The following LIPC variants were observed in gnomAD, a reference collection of about 807,000 sequenced individuals.
LIPC encodes the protein lipase C, hepatic type, also known as hepatic triacylglycerol lipase.
A neutral mutation model predicts 50.7 loss-of-function variants in LIPC; 44 were observed. The observed-to-expected ratio is 0.87, with a 90% CI of 0.68 to 1.11. The LOEUF (loss-of-function observed/expected upper bound fraction) is 1.11, where lower values mean the gene tolerates loss of function less well. Ranked by LOEUF, LIPC falls within the 50% of genes most tolerant of loss-of-function variation. The pLI is 0.00. For synonymous variants in LIPC, 271 were observed against 256.4 expected, an observed-to-expected ratio of 1.06 and a Z score of -0.54; for missense variants, 697 against 648.2, an observed-to-expected ratio of 1.08 and a Z score of -0.82.
chr15:58,509,386 G>C (rs72743010), intron 1 of LIPC, among the ~76,000 whole-genome samples: 5,242 of 152,250 alleles, frequency 0.034, 157 homozygotes, highest in East Asian at 0.15. Flanking sequence ...GAATCAAGAA[G>C]ACTGAAATTG....
intron 1 of LIPC, among the ~76,000 whole-genome samples, chr15:58,519,419 A>AG (rs1399337665): frequency 1.4e-5 from 2 of 147,788 alleles, no homozygotes; most frequent in East Asian, 1.9e-4. Flanking sequence ...TCAAAAAAAA[A>AG]AAAAAGAAAA....
Position 58,453,628 on chromosome 15 carries a change from C to T in LIPC, c.88+21508C>T, listed in dbSNP as rs560426281. Among the ~76,000 whole-genome samples, 366 of 152,094 alleles carry T rather than the reference C, an allele frequency of 2.4e-3. 2 individuals carry two copies. The highest frequency in any genetic ancestry group is 8.4e-3 in the African/African-American group (349 of 41,486). ...AGAGTGTGGGTTCCGTACATTGGCG[C>T]GGTGGCTTATGCCTGTAATCCCAGC... On this transcript the variant is annotated intron_variant, in intron 1 of 8. Transcript: ENST00000299022.
chr15:58,507,686 G>A (rs1192580602), intron 1 of LIPC, among the ~76,000 whole-genome samples: 2 of 152,230 alleles, frequency 1.3e-5, no homozygotes, highest in Admixed American at 1.3e-4. Flanking sequence ...ACCAGGCACT[G>A]TGTAGAGGCT....
chr15:58,569,076 T>C lies in LIPC; in HGVS notation c.*249T>C. 3.1e-6 allele frequency: 1 copy of C among 324,656 alleles called. No individual in the cohort carries two copies. Among genetic ancestry groups the C allele is most frequent in the Non-Finnish European group, 5.6e-6 (1 of 178,254 alleles). 20.1% of individuals were successfully genotyped at this position (324,656 alleles called of 1,614,324 possible). On this transcript the variant is annotated 3_prime_UTR_variant, in exon 9 of 9. Transcript: ENST00000299022. The stretch of plus-strand genomic sequence containing the variant: ...CTGGTTAAATGTTAATATATGCAAA[T>C]AAGTACAAATGCAAGAGCCATTTTA...
intron 4 of LIPC, 61 bp downstream of exon 4, chr15:58,542,712 C>G: frequency 9.0e-7 from 1 of 1,114,592 alleles, no homozygotes; most frequent in South Asian, 1.2e-5. Flanking sequence ...CAACAAGGAC[C>G]TGCTTTTCCA....
intron 1 of LIPC, among the ~76,000 whole-genome samples, chr15:58,446,844 T>A (rs141210536): frequency 4.7e-4 from 72 of 152,220 alleles, no homozygotes; most frequent in Admixed American, 3.9e-4. Context: ...AACACACACC[T>A]TTAAAAAGTG....
At chr15:58,501,196 C>G (rs1055722675) in intron 1 of LIPC, among the ~76,000 whole-genome samples, 2 of 152,120 alleles carry the variant, frequency 1.3e-5, no homozygotes, top group African/African-American at 4.8e-5. Context: ...GATTTGTCAT[C>G]TCCTCCCAGA....
chr15:58,547,257 C>G (rs1229136333), intron 5 of LIPC, among the ~76,000 whole-genome samples: 2 of 152,186 alleles, frequency 1.3e-5, no homozygotes, highest in Non-Finnish European at 2.9e-5. Context: ...CACAGGGGCT[C>G]ACTGGATAAC....
chr15:58,543,043 C>T (rs1008810527), intron 4 of LIPC, among the ~76,000 whole-genome samples: 1 of 152,172 alleles, frequency 6.6e-6, no homozygotes, highest in East Asian at 1.9e-4. Flanking sequence ...ACGTTAGTGC[C>T]TCCGTTTCCA....
At chr15:58,449,255 C>T (rs1258165927) in intron 1 of LIPC, among the ~76,000 whole-genome samples, 2 of 152,208 alleles carry the variant, frequency 1.3e-5, no homozygotes, top group African/African-American at 2.4e-5. Flanking sequence ...AGCATGTTGG[C>T]AGCCATCGAT....
At chr15:58,551,531 C>T (rs2140934326) in intron 6 of LIPC, among the ~76,000 whole-genome samples, 1 of 152,266 alleles carries the variant, frequency 6.6e-6, no homozygotes, top group South Asian at 2.1e-4. Flanking sequence ...ACATTTCCAT[C>T]GCCGCGGAGA....
rs572161614 is a variant in LIPC, at chr15:58,544,391, C to CTTTTTT, written c.575-1348_575-1347insTTTTTT. Among the ~76,000 whole-genome samples, 14 of 110,270 alleles carry CTTTTTT rather than the reference C, an allele frequency of 1.3e-4. 3 individuals are homozygous for CTTTTTT. The highest frequency in any genetic ancestry group is 1.7e-4 in the African/African-American group (5 of 30,184). 72.3% of individuals were successfully genotyped at this position (110,270 alleles called of 152,430 possible). On this transcript the variant is annotated intron_variant, in intron 4 of 8. Transcript: ENST00000299022. ...CATATCAGGACATTTTTCTTTTTCT[C>CTTTTTT]TTTCTTTTTTTTTTTTTTTTTTGAG...
At chr15:58,485,801 T>A (rs1891354533) in intron 1 of LIPC, among the ~76,000 whole-genome samples, 1 of 152,258 alleles carries the variant, frequency 6.6e-6, no homozygotes, top group African/African-American at 2.4e-5. Flanking sequence ...AGAGGTGGGC[T>A]TGGCCCTTGA....
chr15:58,444,687 C>T (rs1485640455), intron 1 of LIPC, among the ~76,000 whole-genome samples: 4 of 152,170 alleles, frequency 2.6e-5, no homozygotes, highest in African/African-American at 9.7e-5. Context: ...TTAAGGCCCA[C>T]CCCAGTGACC....
In LIPC at chr15:58,538,418, C is replaced by T. The variant is rs773510851; in HGVS notation, c.174C>T (p.Thr58=). ...CCAGATTCCTGCTCTTTGGAGAAAC[C>T]AATCAGGGCTGTCAGATTCGAATCA... ...MKTRFLLFGE[T]NQGCQIRINH... is the part of the protein sequence containing the mutation. The change falls in exon 2 of 9, where the codon ACC becomes ACT. Residue 58 remains threonine (T), a synonymous_variant. Coordinates refer to ENST00000299022, the MANE Select transcript of LIPC (RefSeq NM_000236.3). The T allele has an allele frequency of 6.2e-7, 1 of 1,614,120 alleles. No homozygotes were observed. Among genetic ancestry groups the T allele is most frequent in the Non-Finnish European group, 8.5e-7 (1 of 1,180,008 alleles).
At chr15:58,441,236 C>T (rs559893893) in intron 1 of LIPC, among the ~76,000 whole-genome samples, 14 of 152,326 alleles carry the variant, frequency 9.2e-5, no homozygotes, top group African/African-American at 3.4e-4. Context: ...TTGAAGTTTT[C>T]TTATGAATTG....
intron 1 of LIPC, among the ~76,000 whole-genome samples, chr15:58,532,369 G>A (rs1011534346): frequency 2.9e-4 from 44 of 152,184 alleles, no homozygotes; most frequent in African/African-American, 1.1e-3. Flanking sequence ...GGACAGAGCT[G>A]CGGTTACATT....
At chr15:58,481,911 G>A (rs1406181960) in intron 1 of LIPC, among the ~76,000 whole-genome samples, 1 of 152,204 alleles carries the variant, frequency 6.6e-6, no homozygotes, top group Non-Finnish European at 1.5e-5. Flanking sequence ...TCCAGCTTAT[G>A]TAAAAAGGGA....
At chr15:58,467,090 GAT>G (rs561953173) in intron 1 of LIPC, among the ~76,000 whole-genome samples, 180 of 152,238 alleles carry the variant, frequency 1.2e-3, no homozygotes, top group Middle Eastern at 3.4e-3. Flanking sequence ...ATCAGATTCT[GAT>G]AGTTTCTTTT....
Sources: gnomAD v4.1 joint callset for allele counts (sites outside exome capture counted in the v4.1 genomes callset) on GRCh38, gnomAD v4.1.1 for gene constraint, MANE v1.5 for transcripts, NCBI Gene and HGNC (gene_info 2026-07-23, HGNC 2026-07-21) for gene names.